The following DLGAP1 variants were observed in gnomAD, a reference collection of about 807,000 sequenced individuals.
The protein encoded by DLGAP1 is DLG associated protein 1, also known as disks large-associated protein 1.
Under a neutral mutation model 90.8 loss-of-function variants are expected in DLGAP1, and 11 were observed. The ratio of observed to expected loss-of-function variants is 0.12; its 90% CI spans 0.08 to 0.20. The LOEUF (loss-of-function observed/expected upper bound fraction) is 0.20, where lower values mean the gene tolerates loss of function less well. DLGAP1 is among the 10% of genes least tolerant of loss of function. DLGAP1 has a pLI of 1.00. For synonymous variants in DLGAP1, 558 were observed against 540.7 expected (o/e 1.03, Z -0.44); for missense variants, 1,050 against 1,333.8 (o/e 0.79, Z 3.31).
intron 2 of DLGAP1, among the ~76,000 whole-genome samples, chr18:4,047,440 A>G (rs921466317): frequency 2.0e-5 from 3 of 152,248 alleles, no homozygotes; most frequent in Non-Finnish European, 4.4e-5. Context: ...ATCAAGCTCT[A>G]TGTAAAGTAG....
chr18:4,192,665 C>T (rs1466166310), intron 1 of DLGAP1, among the ~76,000 whole-genome samples: 1 of 152,108 alleles, frequency 6.6e-6, no homozygotes, highest in Non-Finnish European at 1.5e-5. Flanking sequence ...CAAGAAGAAG[C>T]AGCCAAGTGA....
intron 4 of DLGAP1, among the ~76,000 whole-genome samples, chr18:3,833,005 T>C (rs146237374): frequency 1.3e-5 from 2 of 152,312 alleles, no homozygotes; most frequent in African/African-American, 4.8e-5. Flanking sequence ...ACATGAGGCA[T>C]AGAAGTAAGA....
chr18:4,083,149 C>T (rs2143643209), intron 2 of DLGAP1, among the ~76,000 whole-genome samples: 1 of 152,218 alleles, frequency 6.6e-6, no homozygotes, highest in Non-Finnish European at 1.5e-5. Flanking sequence ...GAAAGTTGTT[C>T]AAAGAAGGAA....
At chr18:4,247,485 G>T (rs2078677418) in intron 1 of DLGAP1, among the ~76,000 whole-genome samples, 1 of 152,072 alleles carries the variant, frequency 6.6e-6, no homozygotes, top group Non-Finnish European at 1.5e-5. Flanking sequence ...CCTTAAAAAT[G>T]TTATCCCAGG....
chr18:4,198,697 T>A (rs1430641621), intron 1 of DLGAP1, among the ~76,000 whole-genome samples: 1 of 152,220 alleles, frequency 6.6e-6, no homozygotes, highest in Non-Finnish European at 1.5e-5. Flanking sequence ...CTGCCAGAAA[T>A]TTAACAAGAA....
At chr18:4,023,875 A>T (rs1207242150) in intron 2 of DLGAP1, among the ~76,000 whole-genome samples, 1 of 149,928 alleles carries the variant, frequency 6.7e-6, no homozygotes, top group African/African-American at 2.5e-5. Context: ...AATAAAAAAA[A>T]TTTTGGTTTC....
intron 2 of DLGAP1, among the ~76,000 whole-genome samples, chr18:4,024,938 A>G (rs567898339): frequency 9.2e-4 from 140 of 152,254 alleles, no homozygotes; most frequent in African/African-American, 3.3e-3. Flanking sequence ...CAGTGCTACC[A>G]AGTCATCAAT....
chr18:3,843,274 T>A (rs972500720), intron 4 of DLGAP1, among the ~76,000 whole-genome samples: 3 of 152,222 alleles, frequency 2.0e-5, no homozygotes, highest in Admixed American at 6.5e-5. Flanking sequence ...TTGCATCTTA[T>A]CTCCCAGCAT....
At chr18:3,764,685 A>G (rs891691766) in intron 5 of DLGAP1, among the ~76,000 whole-genome samples, 4 of 152,250 alleles carry the variant, frequency 2.6e-5, no homozygotes, top group Admixed American at 6.5e-5. Context: ...TGCAGTCTAA[A>G]AAAATCTTCT....
intron 2 of DLGAP1, among the ~76,000 whole-genome samples, chr18:4,086,425 T>A (rs2143681863): frequency 1.3e-5 from 2 of 152,328 alleles, no homozygotes; most frequent in South Asian, 4.1e-4. Flanking sequence ...CTTATTCAAT[T>A]CACATCAGCA....
intron 1 of DLGAP1, among the ~76,000 whole-genome samples, chr18:4,290,716 AT>A (rs2079825474): frequency 6.6e-6 from 1 of 152,174 alleles, no homozygotes; most frequent in South Asian, 2.1e-4. Flanking sequence ...GATTACTCAG[AT>A]TTTTTGGGGT....
intron 1 of DLGAP1, among the ~76,000 whole-genome samples, chr18:4,444,112 A>G (rs1018549905): frequency 6.6e-6 from 1 of 152,222 alleles, no homozygotes; most frequent in Non-Finnish European, 1.5e-5. Flanking sequence ...CAATTGGAAG[A>G]CAGGTGCACT....
At chr18:4,063,313 A>G (rs920948980) in intron 2 of DLGAP1, among the ~76,000 whole-genome samples, 20 of 152,132 alleles carry the variant, frequency 1.3e-4, no homozygotes, top group Admixed American at 1.3e-3. Flanking sequence ...CTATCCAGGA[A>G]TAACTACATT....
At chr18:4,345,508 T>C (rs1274042971) in intron 1 of DLGAP1, among the ~76,000 whole-genome samples, 1 of 152,224 alleles carries the variant, frequency 6.6e-6, no homozygotes, top group African/African-American at 2.4e-5. Context: ...TGAAAGGAGT[T>C]AGCATCTCCA....
At chr18:3,745,559 T>G (rs2063231835) in intron 5 of DLGAP1, among the ~76,000 whole-genome samples, 1 of 152,014 alleles carries the variant, frequency 6.6e-6, no homozygotes, top group African/African-American at 2.4e-5. Context: ...GATTTGAGAA[T>G]CCACACGAAA....
chr18:3,860,440 T>C (rs1568250915), intron 4 of DLGAP1, among the ~76,000 whole-genome samples: 1 of 152,360 alleles, frequency 6.6e-6, no homozygotes, highest in East Asian at 1.9e-4. Flanking sequence ...GTATTTTTAT[T>C]ATCTCCACAT....
chr18:3,689,101 G>A (rs564063916), intron 7 of DLGAP1, among the ~76,000 whole-genome samples: 75 of 152,312 alleles, frequency 4.9e-4, no homozygotes, highest in African/African-American at 1.7e-3. Context: ...GCACACTAAA[G>A]CACTGAATGA....
At position 3,534,186 on chromosome 18, in the gene DLGAP1, T is replaced by A. The variant is rs1233509929; in HGVS notation, c.2479+8A>T. ...GGGACGGGTGTGGCACGTGGTGGCA[T>A]TACTTACTGTCTTCGGGCAGGTTGT... On this transcript the variant is annotated splice_region_variant and intron_variant, in intron 10 of 12. Transcript: ENST00000315677. The A allele has an allele frequency of 1.2e-6, 2 of 1,609,060 alleles. No homozygotes were observed. The highest frequency in any genetic ancestry group is 2.7e-5 in the African/African-American group (2 of 74,986).
At chr18:3,714,869 C>T (rs112016081) in intron 7 of DLGAP1, among the ~76,000 whole-genome samples, 2 of 152,100 alleles carry the variant, frequency 1.3e-5, no homozygotes, top group Middle Eastern at 3.2e-3. Context: ...CTCCTGACCT[C>T]AAGGTGATTT....
Sources: allele counts gnomAD v4.1 joint callset (sites outside exome capture counted in the v4.1 genomes callset), GRCh38; gene constraint gnomAD v4.1.1; transcripts MANE v1.5; gene names NCBI Gene and HGNC (gene_info 2026-07-23, HGNC 2026-07-21).